Variants in COL18A1 observed in about 807,000 individuals in gnomAD.
The protein encoded by COL18A1 is collagen alpha-1(XVIII) chain.
In COL18A1, 133 loss-of-function variants were observed where a neutral mutation model predicts 168.0. The observed-to-expected ratio is 0.79, with a 90% confidence interval of 0.69 to 0.91. COL18A1 has a LOEUF of 0.91. Ranked by LOEUF, COL18A1 falls within the 40% of genes least tolerant of loss-of-function variation. The pLI is 0.00. For synonymous variants in COL18A1, 949 were observed against 809.0 expected, an observed-to-expected ratio of 1.17 and a Z score of -2.94; for missense variants, 2,126 against 1,925.4, an observed-to-expected ratio of 1.10 and a Z score of -1.95.
At chr21:45,508,505 G>A (rs2037384295) in intron 38 of COL18A1, among the ~76,000 whole-genome samples, 1 of 150,714 alleles carries the variant, frequency 6.6e-6, no homozygotes, top group African/African-American at 2.5e-5. Flanking sequence ...ATGGATGGTG[G>A]GTAAGTGGGT....
intron 15 of COL18A1, 126 bp downstream of exon 15, chr21:45,482,947 C>T (rs1167936976): frequency 1.1e-5 from 15 of 1,358,450 alleles, no homozygotes; most frequent in Admixed American, 1.8e-5. Flanking sequence ...CCTTGACCCC[C>T]ACTCCTGCCA....
At chr21:45,405,753 C>T (rs1183801213) in intron 2 of COL18A1, among the ~76,000 whole-genome samples, 1 of 150,744 alleles carries the variant, frequency 6.6e-6, no homozygotes, top group African/African-American at 2.4e-5. Flanking sequence ...CCGGCGGGGT[C>T]GTCGGTGCCG....
chr21:45,421,806 A>G (rs1270599564), intron 2 of COL18A1, among the ~76,000 whole-genome samples: 1 of 152,022 alleles, frequency 6.6e-6, no homozygotes, highest in Non-Finnish European at 1.5e-5. Flanking sequence ...TCAGCACCTG[A>G]GGCTCAGGGC....
Position 45,472,684 on chromosome 21 carries a change from G to A in COL18A1, c.652-1211G>A, listed in dbSNP as rs539440326. Among the ~76,000 whole-genome samples the A allele has an allele frequency of 7.9e-5, 12 of 152,308 alleles. No individual in the cohort carries two copies. In the East Asian group the frequency reaches 2.3e-3, roughly 29 times the overall value. Reference sequence around the variant, plus strand: ...CCCTGGCCGACCTGGGGGCACTGTAGGCAACGCCCTCCCCCGCAGTGTGAC... The same window carrying A: ...CCCTGGCCGACCTGGGGGCACTGTAAGCAACGCCCTCCCCCGCAGTGTGAC... On this transcript the variant is annotated intron_variant, in intron 3 of 41. Transcript: ENST00000651438.
chr21:45,421,576 CTTAAA>C (rs749596912), intron 2 of COL18A1: 6 of 534,484 alleles, frequency 1.1e-5, no homozygotes, highest in African/African-American at 1.9e-5. Context: ...CCTTCCATTT[CTTAAA>C]TTGCTCACTC....
intron 2 of COL18A1, among the ~76,000 whole-genome samples, chr21:45,415,376 ACCTCTGGTCTTCAGGTCC>A (rs1442220093): frequency 4.6e-5 from 7 of 151,954 alleles, no homozygotes; most frequent in Non-Finnish European, 8.8e-5. Context: ...ACTCAATGGA[ACCTCTGGTCTTCAGGTCC>A]CCAGGATGAC....
At chr21:45,428,745 C>T (rs1957341958) in intron 2 of COL18A1, among the ~76,000 whole-genome samples, 1 of 152,148 alleles carries the variant, frequency 6.6e-6, no homozygotes, top group African/African-American at 2.4e-5. Context: ...TCTCACAAGC[C>T]TCACGTTTCC....
intron 32 of COL18A1, among the ~76,000 whole-genome samples, chr21:45,503,769 T>C (rs1372139130): frequency 1.3e-5 from 2 of 151,924 alleles, no homozygotes; most frequent in Non-Finnish European, 2.9e-5. Context: ...ACATGTACCC[T>C]AAAACTTAAA....
chr21:45,502,643 G>T (rs2036927124), intron 32 of COL18A1: 1 of 152,206 alleles, frequency 6.6e-6, no homozygotes, highest in Non-Finnish European at 1.5e-5. Context: ...AGGAAAAGGA[G>T]AGAAGCAGCA....
chr21:45,508,005 A>ATGGATGGG (rs1194403347), intron 38 of COL18A1, among the ~76,000 whole-genome samples: 2 of 150,562 alleles, frequency 1.3e-5, no homozygotes, highest in Admixed American at 6.6e-5. Context: ...AGGTGGATGG[A>ATGGATGGG]TGGATGGGTG....
At chr21:45,422,424 C>A in intron 2 of COL18A1, 1 of 526,384 alleles carries the variant, frequency 1.9e-6, no homozygotes, top group South Asian at 1.4e-5. Context: ...CTTCCTGCAG[C>A]TTTTGAAGGG....
intron 2 of COL18A1, among the ~76,000 whole-genome samples, chr21:45,452,811 T>C (rs1228815230): frequency 2.6e-5 from 4 of 152,134 alleles, no homozygotes; most frequent in Admixed American, 2.6e-4. Flanking sequence ...TGTGATTGTG[T>C]ATGCATGTGA....
intron 2 of COL18A1, among the ~76,000 whole-genome samples, chr21:45,450,504 GC>G (rs2034597698): frequency 6.6e-6 from 1 of 152,176 alleles, no homozygotes; most frequent in Non-Finnish European, 1.5e-5. Context: ...CCCCCTCTTT[GC>G]CCCCTGATGA....
Position 45,510,318 on chromosome 21 carries a change from G to T in COL18A1, c.3693+57G>T. ...CCTCGGCCCCCACTTGACCTCTGGG[G>T]TGAACTCCCAGCGGGGAGCTCCCCT... On this transcript the variant is annotated intron_variant, in intron 40 of 41. Coordinates refer to ENST00000651438, the MANE Select transcript of COL18A1 (RefSeq NM_001379500.1). 2.6e-6 allele frequency: 4 copies of T among 1,530,300 alleles called. No individual in the cohort carries two copies. The East Asian group carries it at 9.8e-5, about 37-fold the overall frequency. 94.8% of individuals were successfully genotyped at this position (1,530,300 alleles called of 1,614,324 possible).
intron 15 of COL18A1, among the ~76,000 whole-genome samples, chr21:45,486,116 C>T (rs531740808): frequency 1.3e-5 from 2 of 152,326 alleles, no homozygotes; most frequent in African/African-American, 2.4e-5. Flanking sequence ...CTTGGGTCAC[C>T]GATGGCTCCA....
Position 45,509,401 on chromosome 21 carries a change from G to C in COL18A1, c.3295G>C (p.Asp1099His). Residue 1099 changes from aspartate to histidine, a missense_variant, in exon 39 of 42, where the codon GAC becomes CAC. Transcript: ENST00000651438. ...GCAGCCCCCCGTGGTGCAGCTGCAC[G>C]ACAGCAACCCCTACCCGCGGCGGGA... is the stretch of plus-strand genomic sequence containing the variant. The part of the protein sequence containing the change: ...ALQPPVVQLH[D>H]SNPYPRREHP... 1.3e-6 allele frequency: 2 copies of C among 1,543,508 alleles called. No homozygotes were observed. The highest frequency in any genetic ancestry group is 1.7e-6 in the Non-Finnish European group (2 of 1,145,456).
Position 45,465,874 on chromosome 21 carries a change from G to A in COL18A1, c.107-2368G>A, listed in dbSNP as rs573554558. On this transcript the variant is annotated intron_variant, in intron 2 of 41. Coordinates refer to ENST00000651438, the MANE Select transcript of COL18A1 (RefSeq NM_001379500.1). The stretch of plus-strand genomic sequence containing the variant: ...GTTTGCCCTTTTCTTCGGAGCCACG[G>A]TGGCCGTGAGGGATGCAGGACATTG... Among the ~76,000 whole-genome samples, 13 of 152,324 alleles carry A rather than the reference G, an allele frequency of 8.5e-5. No homozygotes were observed. The East Asian group carries it at 2.5e-3, about 29-fold the overall frequency.
At chr21:45,487,082 C>A in intron 16 of COL18A1, 90 bp downstream of exon 16, 2 of 1,282,890 alleles carry the variant, frequency 1.6e-6, no homozygotes, top group Non-Finnish European at 2.1e-6. Context: ...CACAGAGCAG[C>A]ACGTCCTGGG....
At chr21:45,435,990 C>T (rs1008005399) in intron 2 of COL18A1, among the ~76,000 whole-genome samples, 22 of 152,306 alleles carry the variant, frequency 1.4e-4, no homozygotes, top group African/African-American at 4.8e-4. Flanking sequence ...ATGGCCCAGG[C>T]AGGGTGGCCA....
Sources: gnomAD v4.1 joint callset for allele counts (sites outside exome capture counted in the v4.1 genomes callset) on GRCh38, gnomAD v4.1.1 for gene constraint, MANE v1.5 for transcripts, NCBI Gene and HGNC (gene_info 2026-07-23, HGNC 2026-07-21) for gene names.